Variants in GNA14 observed in about 807,000 individuals in gnomAD.
GNA14 encodes G protein subunit alpha 14.
A neutral mutation model predicts 42.0 loss-of-function variants in GNA14; 50 were observed. That is an observed-to-expected ratio of 1.19 (90% CI 0.95 to 1.51). GNA14 has a LOEUF of 1.51. Ranked by LOEUF, GNA14 falls within the 40% of genes most tolerant of loss-of-function variation. The probability of loss-of-function intolerance (pLI) is 0.00; values close to 1 mark genes in which losing one functional copy is unlikely to be tolerated. For synonymous variants in GNA14, 173 were observed against 163.1 expected, an observed-to-expected ratio of 1.06 and a Z score of -0.46; for missense variants, 473 against 446.2, an observed-to-expected ratio of 1.06 and a Z score of -0.54.
intron 1 of GNA14, among the ~76,000 whole-genome samples, chr9:77,533,627 C>A (rs1837558999): frequency 6.6e-6 from 1 of 152,174 alleles, no homozygotes; most frequent in Non-Finnish European, 1.5e-5. Context: ...CTGCGTGGAT[C>A]CTCTCTGACC....
At chr9:77,497,864 C>T (rs1235891524) in intron 2 of GNA14, among the ~76,000 whole-genome samples, 4 of 152,094 alleles carry the variant, frequency 2.6e-5, no homozygotes, top group South Asian at 2.1e-4. Context: ...TTTGGCAACA[C>T]GAATTAGCAT....
At chr9:77,580,662 C>A in intron 1 of GNA14, 1 of 331,276 alleles carries the variant, frequency 3.0e-6, no homozygotes, top group Non-Finnish European at 6.3e-6. Context: ...ACTGTTTCCT[C>A]CTCACACCTC....
intron 2 of GNA14, among the ~76,000 whole-genome samples, chr9:77,484,924 A>G (rs1180882594): frequency 7.0e-6 from 1 of 142,866 alleles, no homozygotes; most frequent in Non-Finnish European, 1.5e-5. Context: ...TAAAAATGCT[A>G]ATGATCATCT....
rs1836977610 is a variant in GNA14, at chr9:77,501,771, CAT to C, written c.309+27296_309+27297del. On this transcript the variant is annotated intron_variant, in intron 2 of 6. Coordinates refer to ENST00000341700, the MANE Select transcript of GNA14 (RefSeq NM_004297.4). The stretch of plus-strand genomic sequence containing the variant: ...TGTCACCCGGGTTGGAGTGCAGTGG[CAT>C]GATCTCGGCTCACTGCAAGCTCCGC... Among the ~76,000 whole-genome samples, 3 of 141,502 alleles carry C rather than the reference CAT, an allele frequency of 2.1e-5. No individual in the cohort carries two copies. The Admixed American group carries it at 2.2e-4, about 11-fold the overall frequency. 92.8% of individuals were successfully genotyped at this position (141,502 alleles called of 152,430 possible).
At chr9:77,477,999 A>G (rs1016051702) in intron 2 of GNA14, among the ~76,000 whole-genome samples, 1 of 151,528 alleles carries the variant, frequency 6.6e-6, no homozygotes, top group Non-Finnish European at 1.5e-5. Context: ...AAGAACACAG[A>G]AAACAGAATG....
At chr9:77,505,054 T>C (rs1837047108) in intron 2 of GNA14, among the ~76,000 whole-genome samples, 1 of 152,124 alleles carries the variant, frequency 6.6e-6, no homozygotes, top group Non-Finnish European at 1.5e-5. Context: ...TGGGAGAATG[T>C]AGAATTAGAG....
intron 2 of GNA14, among the ~76,000 whole-genome samples, chr9:77,482,317 T>A (rs1836570002): frequency 2.0e-5 from 3 of 152,200 alleles, no homozygotes; most frequent in African/African-American, 4.8e-5. Flanking sequence ...GAAGCTTAGT[T>A]TGGCTGGATA....
chr9:77,503,618 C>T (rs1191575402), intron 2 of GNA14, among the ~76,000 whole-genome samples: 1 of 151,700 alleles, frequency 6.6e-6, no homozygotes, highest in Admixed American at 6.6e-5. Flanking sequence ...CAACTAATAC[C>T]TAAGTACACA....
At chr9:77,590,984 T>A (rs1823382523) in intron 1 of GNA14, among the ~76,000 whole-genome samples, 1 of 152,168 alleles carries the variant, frequency 6.6e-6, no homozygotes, top group African/African-American at 2.4e-5. Flanking sequence ...GATTCCACGT[T>A]CTTCTATAGG....
intron 1 of GNA14, among the ~76,000 whole-genome samples, chr9:77,631,222 G>T (rs149697694): frequency 6.6e-6 from 1 of 151,928 alleles, no homozygotes; most frequent in Admixed American, 6.6e-5. Flanking sequence ...AGCTCCTACC[G>T]TCAGGTTACA....
chr9:77,610,247 A>G (rs1273235789), intron 1 of GNA14, among the ~76,000 whole-genome samples: 1 of 152,104 alleles, frequency 6.6e-6, no homozygotes, highest in African/African-American at 2.4e-5. Flanking sequence ...CCTCTCCCCT[A>G]TAGAATAGTT....
At chr9:77,599,988 T>C (rs1270360868) in intron 1 of GNA14, among the ~76,000 whole-genome samples, 1 of 152,238 alleles carries the variant, frequency 6.6e-6, no homozygotes, top group Non-Finnish European at 1.5e-5. Flanking sequence ...AAGTCAGTGA[T>C]CTGCATGTAT....
chr9:77,563,004 A>G (rs1260940898), intron 1 of GNA14, among the ~76,000 whole-genome samples: 1 of 152,202 alleles, frequency 6.6e-6, no homozygotes, highest in Non-Finnish European at 1.5e-5. Flanking sequence ...GAGCAAACAT[A>G]GGTACCCGTT....
intron 2 of GNA14, among the ~76,000 whole-genome samples, chr9:77,521,902 G>C (rs1219291758): frequency 1.3e-5 from 2 of 152,192 alleles, no homozygotes; most frequent in Admixed American, 6.5e-5. Context: ...GCGCGATCTT[G>C]GCTCACTGCA....
intron 2 of GNA14, among the ~76,000 whole-genome samples, chr9:77,481,838 T>TA (rs1180346593): frequency 1.3e-5 from 2 of 152,206 alleles, no homozygotes; most frequent in Non-Finnish European, 2.9e-5. Context: ...TTTGTTGGTT[T>TA]AAAGTCTGTT....
At chr9:77,445,566 A>G (rs7023872) in intron 2 of GNA14, among the ~76,000 whole-genome samples, 1 of 151,346 alleles carries the variant, frequency 6.6e-6, no homozygotes, top group African/African-American at 2.4e-5. Context: ...AAAAAAAAAA[A>G]AAAAAAAGAA....
chr9:77,570,017 G>A (rs753807536), intron 1 of GNA14, among the ~76,000 whole-genome samples: 18 of 151,778 alleles, frequency 1.2e-4, no homozygotes, highest in Non-Finnish European at 2.2e-4. Context: ...CGCTTGCCTC[G>A]GCCTCCCAAA....
At chr9:77,447,817 CT>C (rs1437431956) in intron 2 of GNA14, among the ~76,000 whole-genome samples, 3 of 152,152 alleles carry the variant, frequency 2.0e-5, no homozygotes, top group Non-Finnish European at 4.4e-5. Flanking sequence ...GACTTTGCCT[CT>C]GGACACAGCT....
intron 2 of GNA14, among the ~76,000 whole-genome samples, chr9:77,471,677 G>A (rs1836332017): frequency 1.3e-5 from 2 of 152,078 alleles, no homozygotes; most frequent in South Asian, 2.1e-4. Flanking sequence ...AGTTGAGAAC[G>A]CAGGAGAAAA....
Sources: gnomAD v4.1 joint callset for allele counts (sites outside exome capture counted in the v4.1 genomes callset) on GRCh38, gnomAD v4.1.1 for gene constraint, MANE v1.5 for transcripts, NCBI Gene and HGNC (gene_info 2026-07-23, HGNC 2026-07-21) for gene names.